The following LRBA variants were observed in gnomAD, a reference collection of about 807,000 sequenced individuals.
LRBA encodes LPS responsive beige-like anchor protein.
A neutral mutation model predicts 330.0 loss-of-function variants in LRBA; 176 were observed. That is an observed-to-expected ratio of 0.53 (90% CI 0.47 to 0.60). The LOEUF (loss-of-function observed/expected upper bound fraction) is 0.60, where lower values mean the gene tolerates loss of function less well. LRBA is among the 20% of genes least tolerant of loss of function. The probability of loss-of-function intolerance (pLI) is 0.00; values close to 1 mark genes in which losing one functional copy is unlikely to be tolerated. For synonymous variants in LRBA, 1,230 were observed against 1,193.0 expected (o/e 1.03, Z -0.64); for missense variants, 3,259 against 3,444.8 (o/e 0.95, Z 1.35).
chr4:150,735,041 T>G (rs758908467), intron 36 of LRBA, among the ~76,000 whole-genome samples: 1 of 152,154 alleles, frequency 6.6e-6, no homozygotes, highest in Non-Finnish European at 1.5e-5. Flanking sequence ...GCTTCTCTGA[T>G]CAAGCTTCTG....
At chr4:150,533,819 T>G (rs1764314152) in intron 40 of LRBA, among the ~76,000 whole-genome samples, 1 of 152,150 alleles carries the variant, frequency 6.6e-6, no homozygotes, top group Non-Finnish European at 1.5e-5. Flanking sequence ...GAAATGATAT[T>G]TTGGCAAGTT....
intron 37 of LRBA, among the ~76,000 whole-genome samples, chr4:150,669,059 C>G (rs1472384088): frequency 1.3e-5 from 2 of 152,142 alleles, no homozygotes; most frequent in Non-Finnish European, 2.9e-5. Context: ...GGCTGCAAAT[C>G]TAAGGTCGTC....
At chr4:150,538,552 C>T (rs1345741331) in intron 40 of LRBA, among the ~76,000 whole-genome samples, 2 of 152,016 alleles carry the variant, frequency 1.3e-5, no homozygotes, top group East Asian at 3.9e-4. Context: ...AACCAAATAC[C>T]ACATGTTCTC....
chr4:150,336,114 G>C (rs1026950700), intron 48 of LRBA, among the ~76,000 whole-genome samples: 4 of 152,104 alleles, frequency 2.6e-5, no homozygotes, highest in African/African-American at 9.7e-5. Context: ...GTGTTACATA[G>C]GTAAACTTGT....
At chr4:150,413,636 A>C (rs191371828) in intron 47 of LRBA, among the ~76,000 whole-genome samples, 1 of 152,204 alleles carries the variant, frequency 6.6e-6, no homozygotes, top group Non-Finnish European at 1.5e-5. Flanking sequence ...GCAGAGGCTG[A>C]CTATAAAGAG....
chr4:150,906,396 C>G lies in LRBA; in HGVS notation c.1503G>C (p.Leu501Phe). The G allele has an allele frequency of 6.3e-7, 1 of 1,585,758 alleles. No individual in the cohort carries two copies. Among genetic ancestry groups the G allele is most frequent in the Non-Finnish European group, 8.6e-7 (1 of 1,157,664 alleles). ...TCAACAATTCCATGATAAAGGCCAG[C>G]AAGGTTGAACTAGAATTTTTTAAAA... ...DEIDLTICST[L>F]LAFIMELLKN... Residue 501 changes from leucine (L) to phenylalanine (F), a missense_variant, in exon 12 of 57, where the codon TTG (leucine) becomes TTC (phenylalanine). Coordinates refer to ENST00000651943, the MANE Select transcript of LRBA (RefSeq NM_001364905.1).
chr4:150,860,353 G>A (rs902627737), intron 22 of LRBA, among the ~76,000 whole-genome samples: 5 of 152,112 alleles, frequency 3.3e-5, no homozygotes, highest in Non-Finnish European at 7.4e-5. Flanking sequence ...GGTAGGTCTA[G>A]TTTTACTCAG....
chr4:150,554,051 A>T (rs893641536), intron 40 of LRBA, among the ~76,000 whole-genome samples: 2 of 152,194 alleles, frequency 1.3e-5, no homozygotes, highest in Non-Finnish European at 2.9e-5. Context: ...AAAACTAGTG[A>T]GAAACCTTGC....
chr4:150,302,298 C>A (rs113604024), intron 53 of LRBA, among the ~76,000 whole-genome samples: 2,113 of 152,170 alleles, frequency 0.014, 38 homozygotes, highest in African/African-American at 0.044. Flanking sequence ...ATTCAATAAA[C>A]AAGGTAATAT....
intron 47 of LRBA, 121 bp downstream of exon 47, chr4:150,415,317 A>T: frequency 1.5e-6 from 1 of 683,896 alleles, no homozygotes; most frequent in Non-Finnish European, 2.4e-6. Context: ...TGTCACTTTC[A>T]GTTAGTCCTA....
chr4:150,740,085 C>A (rs1412634371), intron 35 of LRBA, among the ~76,000 whole-genome samples: 1 of 151,950 alleles, frequency 6.6e-6, no homozygotes. Flanking sequence ...TTAAAGAATG[C>A]ACCTCTGAAA....
chr4:150,443,847 T>TTAAAAAAAAAAA (rs1554027866), intron 44 of LRBA, among the ~76,000 whole-genome samples: 2 of 53,720 alleles, frequency 3.7e-5, no homozygotes, highest in African/African-American at 1.1e-4. Context: ...AAAGTATAAT[T>TTAAAAAAAAAAA]AAAAAAATAT....
At chr4:150,894,277 G>C (rs1324123794) in intron 16 of LRBA, among the ~76,000 whole-genome samples, 1 of 152,056 alleles carries the variant, frequency 6.6e-6, no homozygotes, top group Non-Finnish European at 1.5e-5. Flanking sequence ...CCAGAAACTA[G>C]TTCTAAAAGA....
chr4:150,504,106 C>A (rs1305098672), intron 40 of LRBA, among the ~76,000 whole-genome samples: 1 of 152,172 alleles, frequency 6.6e-6, no homozygotes, highest in African/African-American at 2.4e-5. Flanking sequence ...AAGACCAAAT[C>A]TACATCTGAC....
chr4:150,677,181 T>A (rs184103972), intron 37 of LRBA, among the ~76,000 whole-genome samples: 1 of 152,158 alleles, frequency 6.6e-6, no homozygotes, highest in Non-Finnish European at 1.5e-5. Flanking sequence ...TTCAGTACTA[T>A]GCTAAGAACT....
intron 47 of LRBA, among the ~76,000 whole-genome samples, chr4:150,374,322 T>C (rs1740904350): frequency 6.6e-6 from 1 of 152,222 alleles, no homozygotes; most frequent in East Asian, 1.9e-4. Context: ...GTGCTCAAGT[T>C]ATGGCTAATG....
chr4:150,831,698 A>G (rs1480386891), intron 29 of LRBA, 119 bp downstream of exon 29: 1 of 657,044 alleles, frequency 1.5e-6, no homozygotes, highest in Non-Finnish European at 2.3e-6. Flanking sequence ...AAATATATGT[A>G]TGCTCTCCCT....
intron 2 of LRBA, among the ~76,000 whole-genome samples, chr4:150,985,834 T>C (rs1257660209): frequency 6.6e-6 from 1 of 152,030 alleles, no homozygotes; most frequent in African/African-American, 2.4e-5. Context: ...TTTTATATCA[T>C]GTTGTTAGGA....
intron 2 of LRBA, among the ~76,000 whole-genome samples, chr4:151,002,755 T>C (rs964140228): frequency 6.6e-6 from 1 of 151,864 alleles, no homozygotes; most frequent in Non-Finnish European, 1.5e-5. Context: ...CTCAAGTCTA[T>C]AATCCCAGCA....
Sources: allele counts gnomAD v4.1 joint callset (sites outside exome capture counted in the v4.1 genomes callset), GRCh38; gene constraint gnomAD v4.1.1; transcripts MANE v1.5; gene names NCBI Gene and HGNC (gene_info 2026-07-23, HGNC 2026-07-21).